Variants in MBNL1 observed in about 807,000 individuals in gnomAD.
MBNL1 encodes muscleblind-like protein 1.
In MBNL1, 8 loss-of-function variants were observed where a neutral mutation model predicts 42.2. That is an observed-to-expected ratio of 0.19 (90% confidence interval 0.11 to 0.34). The LOEUF (loss-of-function observed/expected upper bound fraction) is 0.34, where lower values mean the gene tolerates loss of function less well. Among genes scored for constraint, MBNL1 ranks in the 10% least tolerant of loss-of-function variants. The pLI is 1.00. For synonymous variants in MBNL1, 169 were observed against 173.9 expected (o/e 0.97, Z 0.22); for missense variants, 309 against 495.3 (o/e 0.62, Z 3.57).
At chr3:152,365,407 C>A (rs2096289944) in intron 2 of MBNL1, among the ~76,000 whole-genome samples, 1 of 152,050 alleles carries the variant, frequency 6.6e-6, no homozygotes, top group Non-Finnish European at 1.5e-5. Context: ...AATAACTCAC[C>A]TATTAAAATT....
At chr3:152,325,112 A>C (rs997590901) in intron 2 of MBNL1, among the ~76,000 whole-genome samples, 7 of 46,378 alleles carry the variant, frequency 1.5e-4, no homozygotes, top group Non-Finnish European at 2.8e-4. Flanking sequence ...CTTTTTTTTC[A>C]TTTGTTTTTG....
intron 1 of MBNL1, among the ~76,000 whole-genome samples, chr3:152,276,633 T>A (rs908582000): frequency 8.0e-5 from 12 of 150,684 alleles, no homozygotes; most frequent in Non-Finnish European, 1.2e-4. Context: ...AGAAAAGGCC[T>A]GGGGTGAGGG....
chr3:152,431,843 A>G (rs1301569378), intron 3 of MBNL1, among the ~76,000 whole-genome samples: 3 of 152,232 alleles, frequency 2.0e-5, no homozygotes, highest in African/African-American at 4.8e-5. Context: ...GTTAGATTTC[A>G]GGTAAATTAA....
chr3:152,432,730 T>C lies in MBNL1; in HGVS notation c.359T>C (p.Val120Ala). 2 of 1,614,202 alleles carry C rather than the reference T, an allele frequency of 1.2e-6. No homozygotes were observed. Among genetic ancestry groups the C allele is most frequent in the Non-Finnish European group, 1.7e-6 (2 of 1,180,024 alleles). ...TTTATTTTTCAGCCAATGTTTTCAGTTGCACCAAGCTTAGCCACCAATGCA... is the reference window on the plus strand; with the variant it reads ...TTTATTTTTCAGCCAATGTTTTCAGCTGCACCAAGCTTAGCCACCAATGCA... ...APLQPVPMFS[V>A]APSLATNASA... The change falls in exon 4 of 10, where the codon GTT becomes GCT. Residue 120 changes from valine to alanine, a missense_variant. Coordinates refer to ENST00000324210, the MANE Select transcript of MBNL1 (RefSeq NM_021038.5).
intron 4 of MBNL1, among the ~76,000 whole-genome samples, chr3:152,435,239 G>T (rs2099062812): frequency 6.6e-6 from 1 of 152,104 alleles, no homozygotes; most frequent in Admixed American, 6.5e-5. Flanking sequence ...AGGGGGTCCA[G>T]TTTCAATCTT....
At chr3:152,409,242 A>G (rs917277599) in intron 2 of MBNL1, among the ~76,000 whole-genome samples, 1 of 152,196 alleles carries the variant, frequency 6.6e-6, no homozygotes, top group African/African-American at 2.4e-5. Context: ...ATAAGCTGCC[A>G]TAAATTTTCT....
At chr3:152,255,551 G>A (rs929571257) in intron 2 of MBNL1, among the ~76,000 whole-genome samples, 15 of 152,106 alleles carry the variant, frequency 9.9e-5, no homozygotes, top group Admixed American at 3.3e-4. Flanking sequence ...CATATATCAA[G>A]CAGTATACTT....
chr3:152,345,561 A>C (rs561775639), intron 2 of MBNL1, among the ~76,000 whole-genome samples: 1 of 152,328 alleles, frequency 6.6e-6, no homozygotes, highest in East Asian at 1.9e-4. Context: ...GAACAAGCCA[A>C]ATAAATATTT....
intron 3 of MBNL1, among the ~76,000 whole-genome samples, chr3:152,428,000 T>G (rs781044944): frequency 6.6e-6 from 1 of 151,890 alleles, no homozygotes; most frequent in Non-Finnish European, 1.5e-5. Context: ...CTGTGATATT[T>G]GCAACATTAC....
chr3:152,427,692 C>G (rs2098950920), intron 3 of MBNL1, among the ~76,000 whole-genome samples: 1 of 151,124 alleles, frequency 6.6e-6, no homozygotes. Context: ...CTTTCATATA[C>G]CTTGATTATG....
intron 2 of MBNL1, among the ~76,000 whole-genome samples, chr3:152,348,192 G>A (rs1275033718): frequency 1.3e-5 from 2 of 152,082 alleles, no homozygotes; most frequent in African/African-American, 2.4e-5. Context: ...CAGAAAACAA[G>A]CATCTGTCCC....
intron 1 of MBNL1, among the ~76,000 whole-genome samples, chr3:152,275,935 T>A (rs1437609889): frequency 6.6e-6 from 1 of 152,112 alleles, no homozygotes; most frequent in Non-Finnish European, 1.5e-5. Context: ...AACCATTTAC[T>A]CTTTTCATGC....
chr3:152,329,451 ACT>A (rs1297388932), intron 2 of MBNL1, among the ~76,000 whole-genome samples: 2 of 151,474 alleles, frequency 1.3e-5, no homozygotes, highest in Non-Finnish European at 1.5e-5. Context: ...ACATAGTGAG[ACT>A]CTGTCTCTAC....
chr3:152,387,635 T>A (rs1191187351), intron 2 of MBNL1, among the ~76,000 whole-genome samples: 1 of 152,138 alleles, frequency 6.6e-6, no homozygotes, highest in East Asian at 1.9e-4. Context: ...TGTTTTTGGA[T>A]TTTTGTCCTT....
At chr3:152,382,628 A>G (rs955880457) in intron 2 of MBNL1, among the ~76,000 whole-genome samples, 5 of 152,154 alleles carry the variant, frequency 3.3e-5, no homozygotes, top group African/African-American at 1.2e-4. Context: ...AATGCAACAT[A>G]CATTTGTCTT....
At chr3:152,430,617 G>A (rs1464335636) in intron 3 of MBNL1, among the ~76,000 whole-genome samples, 1 of 151,868 alleles carries the variant, frequency 6.6e-6, no homozygotes, top group Non-Finnish European at 1.5e-5. Context: ...GAATATCCTT[G>A]AATAGAAATC....
chr3:152,450,905 A>G (rs897800715), intron 6 of MBNL1, among the ~76,000 whole-genome samples: 2 of 152,248 alleles, frequency 1.3e-5, no homozygotes, highest in African/African-American at 2.4e-5. Context: ...AAGGAAATTC[A>G]TCTTACCACA....
Position 152,309,622 on chromosome 3 carries a change from G to A in MBNL1, c.174+9255G>A, listed in dbSNP as rs564348636. 7.2e-5 allele frequency among the ~76,000 whole-genome samples: 11 copies of A among 152,280 alleles called. No individual in the cohort carries two copies. In the East Asian group the frequency reaches 1.9e-3, roughly 27 times the overall value. Reference sequence around the variant, plus strand: ...AACATGGAAAATTAAAGTCAGAAAAGCTAGGAAGCTTTTCTATCATTTTCA... The same window carrying A: ...AACATGGAAAATTAAAGTCAGAAAAACTAGGAAGCTTTTCTATCATTTTCA... On this transcript the variant is annotated intron_variant, in intron 2 of 9. Transcript: ENST00000324210.
chr3:152,457,580 A>T (rs952434995), intron 8 of MBNL1: 1 of 152,622 alleles, frequency 6.6e-6, no homozygotes, highest in African/African-American at 2.4e-5. Context: ...TTTCTTGGCA[A>T]AGAATCATTA....
Sources: gnomAD v4.1 joint callset for allele counts (sites outside exome capture counted in the v4.1 genomes callset) on GRCh38, gnomAD v4.1.1 for gene constraint, MANE v1.5 for transcripts, NCBI Gene and HGNC (gene_info 2026-07-23, HGNC 2026-07-21) for gene names.